Variants in DNMBP observed in about 807,000 individuals in gnomAD.
DNMBP encodes the protein dynamin binding protein.
Under a neutral mutation model 150.0 loss-of-function variants are expected in DNMBP, and 87 were observed. That is an observed-to-expected ratio of 0.58 (90% CI 0.49 to 0.69). DNMBP has a LOEUF of 0.69. Ranked by LOEUF, DNMBP falls within the 30% of genes least tolerant of loss-of-function variation. The probability of loss-of-function intolerance (pLI) is 0.00; values close to 1 mark genes in which losing one functional copy is unlikely to be tolerated. For synonymous variants in DNMBP, 711 were observed against 750.4 expected, an observed-to-expected ratio of 0.95 and a Z score of 0.86; for missense variants, 1,774 against 1,949.0, an observed-to-expected ratio of 0.91 and a Z score of 1.69.
At chr10:99,945,001 T>C (rs954057209) in intron 4 of DNMBP, among the ~76,000 whole-genome samples, 6 of 152,194 alleles carry the variant, frequency 3.9e-5, no homozygotes, top group Admixed American at 1.3e-4. Context: ...GGGCCAGCCC[T>C]CTTGCTAAAT....
chr10:99,877,436 T>C (rs2039294282), intron 16 of DNMBP, 100 bp from the exon 17 acceptor site: 1 of 875,074 alleles, frequency 1.1e-6, no homozygotes, highest in Non-Finnish European at 1.7e-6. Context: ...CATGCCCACA[T>C]GTGGCTACTG....
At chr10:99,891,937 C>T (rs1301243662) in intron 11 of DNMBP, among the ~76,000 whole-genome samples, 5 of 149,532 alleles carry the variant, frequency 3.3e-5, no homozygotes, top group South Asian at 2.1e-4. Flanking sequence ...GCCCCCTGCC[C>T]GGCCAGCCGC....
At chr10:99,942,908 A>G (rs548689743) in intron 4 of DNMBP, among the ~76,000 whole-genome samples, 2 of 152,218 alleles carry the variant, frequency 1.3e-5, no homozygotes, top group Non-Finnish European at 2.9e-5. Context: ...CAAGTTGAAG[A>G]TACTTGCTTT....
chr10:99,898,307 CTT>C, intron 8 of DNMBP, 22 bp from the exon 9 acceptor site: 1 of 1,589,382 alleles, frequency 6.3e-7, no homozygotes, highest in Non-Finnish European at 8.6e-7. Flanking sequence ...GGAAAAAAGA[CTT>C]TAGTAAGCTA....
At chr10:99,997,963 G>A (rs1295412850) in intron 1 of DNMBP, among the ~76,000 whole-genome samples, 2 of 140,996 alleles carry the variant, frequency 1.4e-5, no homozygotes, top group Admixed American at 7.3e-5. Flanking sequence ...AGCTGGACGC[G>A]GTGGCTCACA....
At chr10:99,926,916 C>T (rs924004216) in intron 4 of DNMBP, 1 of 152,166 alleles carries the variant, frequency 6.6e-6, no homozygotes, top group Non-Finnish European at 1.5e-5. Flanking sequence ...CTGTTGAAAC[C>T]TCCGAAGGGC....
At position 99,898,085 on chromosome 10, in the gene DNMBP, C is replaced by T; in HGVS notation, c.2920+1G>A. The T allele has an allele frequency of 6.2e-7, 1 of 1,613,238 alleles. No individual in the cohort carries two copies. Among genetic ancestry groups the T allele is most frequent in the South Asian group, 1.1e-5 (1 of 91,048 alleles). On this transcript the variant is annotated splice_donor_variant, in intron 9 of 16. Transcript: ENST00000324109. LOFTEE classifies it high-confidence loss of function. ...CTTTTCAGCAATTATGCTGTTCTTA[C>T]CCAGGTCCTTTCGCCGTTTATATTC...
At chr10:99,885,638 C>A (rs2039444811) in intron 14 of DNMBP, 49 bp downstream of exon 14, 6 of 1,503,670 alleles carry the variant, frequency 4.0e-6, no homozygotes, top group Non-Finnish European at 5.4e-6. Context: ...CTGCAGGGTT[C>A]CCCCTCTTTA....
chr10:99,995,911 G>C (rs2040946528), intron 1 of DNMBP, among the ~76,000 whole-genome samples: 1 of 152,184 alleles, frequency 6.6e-6, no homozygotes, highest in African/African-American at 2.4e-5. Flanking sequence ...ATCTACAATG[G>C]GCAGTTCTCT....
chr10:99,970,816 CA>C (rs1481751505), intron 2 of DNMBP, among the ~76,000 whole-genome samples: 1 of 150,866 alleles, frequency 6.6e-6, no homozygotes, highest in East Asian at 1.9e-4. Context: ...ACTAAAAATA[CA>C]AAAAATTAGC....
Position 99,888,847 on chromosome 10 carries a change from C to T in DNMBP, c.3263G>A (p.Ser1088Asn). ...EQFERVHRYISDQLFTNFKER... is the reference protein window; with the variant it reads ...EQFERVHRYINDQLFTNFKER... Reference sequence around the variant, plus strand: ...TACAAAGTTTGTGAAGAGCTGGTCACTGATGTAGCGATGCACCCTCTCAAA... The same window carrying T: ...TACAAAGTTTGTGAAGAGCTGGTCATTGATGTAGCGATGCACCCTCTCAAA... Residue 1088 changes from serine (S) to asparagine (N), a missense_variant, in exon 12 of 17, where the codon AGT becomes AAT. Physicochemically the swap from Ser to Asn is conservative, Grantham distance 46. Around this residue, in one of 2 missense-constraint regions of DNMBP, gnomAD observed 1,430 missense variants for 1,492.5 expected, o/e 0.96. Transcript: ENST00000324109. The T allele has an allele frequency of 6.2e-7, 1 of 1,614,150 alleles. No homozygotes were observed. Among genetic ancestry groups the T allele is most frequent in the Non-Finnish European group, 8.5e-7 (1 of 1,180,012 alleles).
At chr10:99,964,183 C>T (rs2040594144) in intron 3 of DNMBP, among the ~76,000 whole-genome samples, 1 of 139,818 alleles carries the variant, frequency 7.2e-6, no homozygotes, top group Non-Finnish European at 1.5e-5. Context: ...TGCTCTGTCG[C>T]CCAGGCTGCA....
intron 4 of DNMBP, chr10:99,931,093 G>A (rs1760313040): frequency 4.2e-6 from 1 of 239,392 alleles, no homozygotes; most frequent in Admixed American, 5.5e-5. Context: ...GCTGAAGATA[G>A]AGGCATTCTG....
At chr10:99,982,927 C>G (rs1175722784) in intron 1 of DNMBP, among the ~76,000 whole-genome samples, 2 of 151,888 alleles carry the variant, frequency 1.3e-5, no homozygotes, top group South Asian at 2.1e-4. Flanking sequence ...GATCGCACTA[C>G]TGCACTCCAG....
chr10:99,894,753 G>A (rs1359672387), intron 11 of DNMBP, among the ~76,000 whole-genome samples, 193 bp downstream of exon 11: 2 of 152,230 alleles, frequency 1.3e-5, no homozygotes, highest in African/African-American at 4.8e-5. Flanking sequence ...GCTTTGAAAT[G>A]AATGTGACAA....
rs2039264882 is a variant in DNMBP, at chr10:99,875,961, TTAG to T, written c.*1187_*1189del. 6.6e-6 allele frequency: 1 copy of T among 152,068 alleles called. No homozygotes were observed. The highest frequency in any genetic ancestry group is 1.5e-5 in the Non-Finnish European group (1 of 67,994). The allele number at this position is 152,068 out of a possible 1,614,324, so 9.4% of individuals were successfully genotyped here. On this transcript the variant is annotated 3_prime_UTR_variant, in exon 17 of 17. Coordinates refer to ENST00000324109, the MANE Select transcript of DNMBP (RefSeq NM_015221.4). ...GAATGTCATCTCTGAAGCATGGAAG[TTAG>T]TGGTGAAAAAAATCTTATTTCCAAG...
intron 2 of DNMBP, among the ~76,000 whole-genome samples, chr10:99,971,093 G>A (rs1433971462): frequency 6.6e-6 from 1 of 151,882 alleles, no homozygotes; most frequent in African/African-American, 2.4e-5. Context: ...AAAGACCTGG[G>A]AAGGGAAAGC....
chr10:99,980,623 A>G (rs1763772608), intron 1 of DNMBP, among the ~76,000 whole-genome samples: 8 of 151,304 alleles, frequency 5.3e-5, no homozygotes, highest in Admixed American at 5.3e-4. Flanking sequence ...TGAGAACCCA[A>G]CTCTACAAAA....
Position 99,979,521 on chromosome 10 carries a change from A to G in DNMBP, c.-10-7387T>C, listed in dbSNP as rs182548229. ...GAACCTTCCTGGTGTTGTGTGGGAG[A>G]TAAGTTATAGTCCCTGCACCCAAGA... is the stretch of plus-strand genomic sequence containing the variant. On this transcript the variant is annotated intron_variant, in intron 1 of 16. Coordinates refer to ENST00000324109, the MANE Select transcript of DNMBP (RefSeq NM_015221.4). Among the ~76,000 whole-genome samples the G allele has an allele frequency of 2.6e-5, 4 of 152,184 alleles. No individual in the cohort carries two copies. The East Asian group carries it at 7.7e-4, about 29-fold the overall frequency.
Sources: allele counts gnomAD v4.1 joint callset (sites outside exome capture counted in the v4.1 genomes callset), GRCh38; gene constraint gnomAD v4.1.1; regional missense constraint gnomAD v4.1.1; transcripts MANE v1.5; gene names NCBI Gene and HGNC (gene_info 2026-07-23, HGNC 2026-07-21).